Variants in APBA2 observed in about 807,000 individuals in gnomAD.
APBA2 encodes amyloid beta precursor protein binding family A member 2.
Under a neutral mutation model 75.0 loss-of-function variants are expected in APBA2, and 30 were observed. That is an observed-to-expected ratio of 0.40 (90% CI 0.30 to 0.54). The LOEUF is 0.54. Ranked by LOEUF, APBA2 falls within the 20% of genes least tolerant of loss-of-function variation. The probability of loss-of-function intolerance (pLI) is 0.49; values close to 1 mark genes in which losing one functional copy is unlikely to be tolerated. For missense variants in APBA2, 801 were observed against 1,016.1 expected (o/e 0.79, Z 2.88); for synonymous variants, 444 against 409.6 (o/e 1.08, Z -1.01).
intron 2 of APBA2, among the ~76,000 whole-genome samples, chr15:28,974,880 G>A (rs920027525): frequency 1.2e-4 from 19 of 152,042 alleles, no homozygotes; most frequent in African/African-American, 3.9e-4. Context: ...AGAGTAGAAT[G>A]ACAAAAAATA....
chr15:28,977,375 C>T (rs1038528824), intron 2 of APBA2: 3 of 152,164 alleles, frequency 2.0e-5, no homozygotes, highest in Non-Finnish European at 4.4e-5. Context: ...TAGGCTTCAA[C>T]CTCTGAATTT....
chr15:28,932,539 T>C (rs1490703709), intron 2 of APBA2, among the ~76,000 whole-genome samples: 1 of 152,202 alleles, frequency 6.6e-6, no homozygotes, highest in African/African-American at 2.4e-5. Context: ...CACAGTGGCT[T>C]AGCCTCCTGC....
intron 3 of APBA2, among the ~76,000 whole-genome samples, chr15:29,051,129 G>A (rs2041574686): frequency 6.6e-6 from 1 of 152,200 alleles, no homozygotes; most frequent in Admixed American, 6.5e-5. Flanking sequence ...CTCTCTTGTG[G>A]CTGGCTGTCC....
intron 1 of APBA2, among the ~76,000 whole-genome samples, chr15:28,890,766 G>A (rs1481617350): frequency 6.6e-6 from 1 of 152,184 alleles, no homozygotes; most frequent in Non-Finnish European, 1.5e-5. Context: ...GTTGTTTTGA[G>A]GCACAAATGA....
intron 1 of APBA2, among the ~76,000 whole-genome samples, chr15:28,912,824 G>A (rs1234171003): frequency 2.0e-5 from 3 of 152,204 alleles, no homozygotes; most frequent in African/African-American, 7.2e-5. Flanking sequence ...GATACCTTGA[G>A]TACCTTGTTT....
chr15:28,905,812 G>A (rs1251968385), intron 1 of APBA2, among the ~76,000 whole-genome samples: 4 of 152,092 alleles, frequency 2.6e-5, no homozygotes, highest in Non-Finnish European at 4.4e-5. Context: ...CATCAATGGG[G>A]GCTGGCGTCT....
At chr15:29,106,841 G>A (rs576544712) in intron 12 of APBA2, 22 bp downstream of exon 12, 24 of 1,603,010 alleles carry the variant, frequency 1.5e-5, no homozygotes, top group Non-Finnish European at 1.7e-5. Context: ...GGGATCCTCC[G>A]CCCAGGGGTC....
chr15:28,900,447 T>C (rs142967953), intron 1 of APBA2, among the ~76,000 whole-genome samples: 1,941 of 152,294 alleles, frequency 0.013, 13 homozygotes, highest in Middle Eastern at 0.058. Flanking sequence ...CACTTTATGC[T>C]TGGTGACACA....
chr15:28,989,311 T>A (rs1265783177), intron 2 of APBA2, among the ~76,000 whole-genome samples: 1 of 152,220 alleles, frequency 6.6e-6, no homozygotes, highest in Non-Finnish European at 1.5e-5. Context: ...AGGCTTAGTC[T>A]GTGTATGCCT....
At chr15:29,069,131 T>G (rs2042507646) in intron 4 of APBA2, among the ~76,000 whole-genome samples, 1 of 152,272 alleles carries the variant, frequency 6.6e-6, no homozygotes, top group African/African-American at 2.4e-5. Flanking sequence ...CTTTAGTGTC[T>G]GGCTTATTTC....
intron 2 of APBA2, among the ~76,000 whole-genome samples, chr15:28,995,137 A>C: frequency 6.7e-6 from 1 of 149,728 alleles, no homozygotes; most frequent in African/African-American, 2.5e-5. Flanking sequence ...TGGCCTTGAA[A>C]CCCCCGAGCC....
chr15:28,997,800 C>CAA (rs1026120196), intron 3 of APBA2, among the ~76,000 whole-genome samples: 1 of 152,256 alleles, frequency 6.6e-6, no homozygotes, highest in African/African-American at 2.4e-5. Context: ...TCCTGAAATA[C>CAA]TATTAGACGA....
intron 1 of APBA2, among the ~76,000 whole-genome samples, chr15:28,901,965 A>G (rs1173194754): frequency 0.033 from 967 of 29,542 alleles, no homozygotes; most frequent in Non-Finnish European, 0.041. Flanking sequence ...GGGGTGGGGG[A>G]GGGGAAGAAT....
At chr15:29,037,198 A>G (rs920858883) in intron 3 of APBA2, among the ~76,000 whole-genome samples, 1 of 152,122 alleles carries the variant, frequency 6.6e-6, no homozygotes, top group Admixed American at 6.5e-5. Context: ...GTAACCTGTA[A>G]TTTATCCAGT....
chr15:28,907,910 C>G (rs2033214435), intron 1 of APBA2, among the ~76,000 whole-genome samples: 1 of 152,232 alleles, frequency 6.6e-6, no homozygotes, highest in Non-Finnish European at 1.5e-5. Flanking sequence ...CAGAAAGAAA[C>G]TCAGGTTCTT....
intron 2 of APBA2, among the ~76,000 whole-genome samples, chr15:28,992,767 C>T (rs573362916): frequency 4.5e-4 from 68 of 152,268 alleles, no homozygotes; most frequent in African/African-American, 1.6e-3. Flanking sequence ...ATTTGTGTGT[C>T]CCTCTGGGCT....
At chr15:29,115,090 G>T (rs1282441827) in intron 14 of APBA2, among the ~76,000 whole-genome samples, 1 of 151,996 alleles carries the variant, frequency 6.6e-6, no homozygotes, top group Non-Finnish European at 1.5e-5. Flanking sequence ...CGCACGAGGC[G>T]GGAGGCTGAG....
At chr15:29,040,443 G>A (rs1042483217) in intron 3 of APBA2, among the ~76,000 whole-genome samples, 2 of 152,210 alleles carry the variant, frequency 1.3e-5, no homozygotes, top group African/African-American at 4.8e-5. Flanking sequence ...TTATGTTTCT[G>A]AACCAACTCC....
intron 1 of APBA2, among the ~76,000 whole-genome samples, chr15:28,893,498 C>T (rs2032270946): frequency 6.6e-6 from 1 of 152,198 alleles, no homozygotes; most frequent in African/African-American, 2.4e-5. Flanking sequence ...GCCCCTGAGG[C>T]AGGACTGAGT....
Sources: gnomAD v4.1 joint callset for allele counts (sites outside exome capture counted in the v4.1 genomes callset) on GRCh38, gnomAD v4.1.1 for gene constraint, MANE v1.5 for transcripts, NCBI Gene and HGNC (gene_info 2026-07-23, HGNC 2026-07-21) for gene names.